The following KIAA1217 variants were observed in gnomAD, a reference collection of about 807,000 sequenced individuals.
KIAA1217 encodes the protein KIAA1217, also known as sickle tail protein homolog.
Under a neutral mutation model 163.9 loss-of-function variants are expected in KIAA1217, and 88 were observed. The observed-to-expected ratio is 0.54, with a 90% CI of 0.45 to 0.64. The LOEUF (loss-of-function observed/expected upper bound fraction) is 0.64. KIAA1217 is among the 30% of genes least tolerant of loss of function. The pLI is 0.00. For missense variants in KIAA1217, 2,372 were observed against 2,475.0 expected, an observed-to-expected ratio of 0.96 and a Z score of 0.88; for synonymous variants, 903 against 923.1, an observed-to-expected ratio of 0.98 and a Z score of 0.39.
intron 1 of KIAA1217, among the ~76,000 whole-genome samples, chr10:23,727,145 G>T (rs1234803349): frequency 6.6e-6 from 1 of 151,756 alleles, no homozygotes. Flanking sequence ...CTGCCACCAA[G>T]CCTGGCTGCT....
intron 5 of KIAA1217, among the ~76,000 whole-genome samples, chr10:24,439,599 G>A: frequency 6.6e-6 from 1 of 151,518 alleles, no homozygotes; most frequent in East Asian, 1.9e-4. Context: ...TGACATAAGG[G>A]GTCACCAGCA....
At chr10:24,306,000 T>C (rs527651212) in intron 2 of KIAA1217, among the ~76,000 whole-genome samples, 1 of 152,270 alleles carries the variant, frequency 6.6e-6, no homozygotes, top group African/African-American at 2.4e-5. Flanking sequence ...CCAATGGTCT[T>C]ACTATTGACG....
At chr10:24,466,837 C>T (rs2063002695) in intron 5 of KIAA1217, 1 of 970,892 alleles carries the variant, frequency 1.0e-6, no homozygotes, top group African/African-American at 1.8e-5. Context: ...CTTAAGATTC[C>T]ATTTCAGTTT....
intron 2 of KIAA1217, among the ~76,000 whole-genome samples, chr10:24,119,976 G>A (rs528393341): frequency 1.6e-4 from 25 of 152,290 alleles, no homozygotes; most frequent in African/African-American, 6.0e-4. Flanking sequence ...ACCCACTTCC[G>A]TGGAAGTAGG....
At chr10:24,415,346 C>T (rs915692992) in intron 3 of KIAA1217, among the ~76,000 whole-genome samples, 31 of 152,024 alleles carry the variant, frequency 2.0e-4, no homozygotes, top group African/African-American at 7.5e-4. Context: ...AACTCCTGAC[C>T]TCAGGTAATC....
intron 1 of KIAA1217, among the ~76,000 whole-genome samples, chr10:23,769,530 G>A (rs1476679001): frequency 1.3e-5 from 2 of 152,172 alleles, no homozygotes; most frequent in African/African-American, 2.4e-5. Context: ...TTTGTTTTGG[G>A]AAAGGGCTGT....
At chr10:24,228,320 T>A (rs566772217) in intron 2 of KIAA1217, among the ~76,000 whole-genome samples, 2 of 151,878 alleles carry the variant, frequency 1.3e-5, no homozygotes, top group African/African-American at 4.8e-5. Context: ...CAAAGAGAAG[T>A]ATGTCTTAAA....
chr10:24,501,774 A>G (rs1278933816), intron 9 of KIAA1217, among the ~76,000 whole-genome samples: 16 of 71,486 alleles, frequency 2.2e-4, no homozygotes, highest in Non-Finnish European at 2.9e-4. Flanking sequence ...TTTGAGACGT[A>G]GTCTCGCTTT....
chr10:24,518,066 TAA>T (rs1374007269), intron 10 of KIAA1217, among the ~76,000 whole-genome samples: 2 of 152,224 alleles, frequency 1.3e-5, no homozygotes, highest in African/African-American at 4.8e-5. Flanking sequence ...ATTGGTCTTC[TAA>T]TAACAGTCAA....
intron 2 of KIAA1217, among the ~76,000 whole-genome samples, chr10:24,288,766 C>T (rs1267744821): frequency 6.6e-6 from 1 of 152,212 alleles, no homozygotes; most frequent in Non-Finnish European, 1.5e-5. Flanking sequence ...TTAATGAGCA[C>T]AGCGTGTGTA....
intron 3 of KIAA1217, among the ~76,000 whole-genome samples, chr10:24,404,462 G>C (rs1462370323): frequency 2.0e-5 from 3 of 151,176 alleles, no homozygotes; most frequent in South Asian, 2.1e-4. Flanking sequence ...AGCTACTCGG[G>C]AGGCTGAGAC....
At chr10:24,170,848 G>T (rs116098076) in intron 2 of KIAA1217, among the ~76,000 whole-genome samples, 2,662 of 152,286 alleles carry the variant, frequency 0.017, 26 homozygotes, top group Middle Eastern at 0.058. Context: ...CCTGGAACTG[G>T]CTTATGAGTG....
intron 1 of KIAA1217, among the ~76,000 whole-genome samples, chr10:23,952,186 C>G (rs1393872989): frequency 1.3e-5 from 2 of 152,248 alleles, no homozygotes; most frequent in Non-Finnish European, 2.9e-5. Context: ...ATAATACCAT[C>G]TGCGATCCCA....
chr10:24,393,908 C>T (rs933012369), intron 3 of KIAA1217, among the ~76,000 whole-genome samples: 1 of 152,178 alleles, frequency 6.6e-6, no homozygotes, highest in Non-Finnish European at 1.5e-5. Flanking sequence ...TACGGGGACT[C>T]CTGTCTTCTT....
intron 2 of KIAA1217, among the ~76,000 whole-genome samples, chr10:24,181,189 T>C (rs1443405169): frequency 6.6e-6 from 1 of 152,226 alleles, no homozygotes; most frequent in African/African-American, 2.4e-5. Context: ...TAAGATATGA[T>C]GTCGGTTACA....
At chr10:24,345,524 T>C (rs1452817741) in intron 2 of KIAA1217, among the ~76,000 whole-genome samples, 1 of 152,226 alleles carries the variant, frequency 6.6e-6, no homozygotes, top group Non-Finnish European at 1.5e-5. Context: ...TGAATGAACC[T>C]AAGATCTTCA....
Position 24,546,410 on chromosome 10 carries a change from C to T in KIAA1217, c.*86C>T, listed in dbSNP as rs2075725421. The T allele has an allele frequency of 1.5e-6, 2 of 1,309,712 alleles. No homozygotes were observed. The highest frequency in any genetic ancestry group is 2.6e-5 in the Admixed American group (1 of 38,202). The allele number at this position is 1,309,712 out of a possible 1,614,324, so 81.1% of individuals were successfully genotyped here. On this transcript the variant is annotated 3_prime_UTR_variant, in exon 21 of 21. Transcript: ENST00000376454. Reference sequence around the variant, plus strand: ...CAACTGTTTTCACAAGAGAATGTAACATATTGCTGTATCGTTTGAGGCTTA... The same window carrying T: ...CAACTGTTTTCACAAGAGAATGTAATATATTGCTGTATCGTTTGAGGCTTA...
At chr10:24,208,874 C>A (rs373020916), upstream of KIAA1217, 32 of 292,904 alleles carry the variant, frequency 1.1e-4, 3 homozygotes, top group Admixed American at 9.2e-4. Context: ...GCCTCCCCCC[C>A]ACACCCCCGC....
At chr10:24,051,786 TTTTTGGTGGGATTATTTG>T (rs1339143777) in intron 2 of KIAA1217, among the ~76,000 whole-genome samples, 1 of 152,160 alleles carries the variant, frequency 6.6e-6, no homozygotes, top group Non-Finnish European at 1.5e-5. Context: ...CTTTGCCCAC[TTTTTGGTGGGATTATTTG>T]TTTTGTTCTT....
Sources: gnomAD v4.1 joint callset for allele counts (sites outside exome capture counted in the v4.1 genomes callset) on GRCh38, gnomAD v4.1.1 for gene constraint, MANE v1.5 for transcripts, NCBI Gene and HGNC (gene_info 2026-07-23, HGNC 2026-07-21) for gene names.